ALG6: variants seen among roughly 807,000 people sequenced by gnomAD.
The protein encoded by ALG6 is dolichyl pyrophosphate Man9GlcNAc2 alpha-1,3-glucosyltransferase.
Under a neutral mutation model 66.6 loss-of-function variants are expected in ALG6, and 46 were observed. The observed-to-expected ratio is 0.69, with a 90% CI of 0.55 to 0.88. The LOEUF is 0.88. Ranked by LOEUF, ALG6 falls within the 40% of genes least tolerant of loss-of-function variation. The probability of loss-of-function intolerance (pLI) is 0.00; values close to 1 mark genes in which losing one functional copy is unlikely to be tolerated. For missense variants in ALG6, 505 were observed against 586.8 expected (o/e 0.86, Z 1.44); for synonymous variants, 185 against 203.7 (o/e 0.91, Z 0.78).
At position 63,433,162 on chromosome 1, in the gene ALG6, C is replaced by T. The variant is rs1315467968; in HGVS notation, c.1327-3661C>T. 2.0e-5 allele frequency among the ~76,000 whole-genome samples: 3 copies of T among 152,028 alleles called. No homozygotes were observed. Among genetic ancestry groups the T allele is most frequent in the Admixed American group, 6.6e-5 (1 of 15,256 alleles). ...TTCACCATATTGGCCAGGCTGGTCT[C>T]GAACTCCTGACCTCGTGATCCACCC... is the stretch of plus-strand genomic sequence containing the variant. On this transcript the variant is annotated intron_variant, in intron 14 of 14. Transcript: ENST00000263440. This position sits in a 1 kb window ranked among gnomAD's most constrained non-coding sequence, Gnocchi z 4.2.
intron 4 of ALG6, among the ~76,000 whole-genome samples, chr1:63,404,135 T>G (rs959331674): frequency 6.6e-6 from 1 of 152,220 alleles, no homozygotes. Flanking sequence ...ACTAGCATAT[T>G]GCTTTTTATA....
chr1:63,415,389 T>G (rs1183497396), intron 10 of ALG6, among the ~76,000 whole-genome samples: 1 of 152,186 alleles, frequency 6.6e-6, no homozygotes, highest in Non-Finnish European at 1.5e-5. Flanking sequence ...TCCTGCTCCC[T>G]TTCCACCTTG....
intron 14 of ALG6, among the ~76,000 whole-genome samples, chr1:63,431,215 A>C (rs1466514776): frequency 6.6e-6 from 1 of 152,192 alleles, no homozygotes; most frequent in Non-Finnish European, 1.5e-5. Flanking sequence ...TGCCACTGCC[A>C]TACTGTCTTG....
At chr1:63,391,544 A>G (rs1309617162) in intron 2 of ALG6, among the ~76,000 whole-genome samples, 1 of 152,138 alleles carries the variant, frequency 6.6e-6, no homozygotes, top group Non-Finnish European at 1.5e-5. Context: ...GCTTCAGGGG[A>G]TGGTCAGTTC....
intron 2 of ALG6, among the ~76,000 whole-genome samples, chr1:63,385,387 T>C (rs1382313152): frequency 6.6e-6 from 1 of 151,562 alleles, no homozygotes; most frequent in Non-Finnish European, 1.5e-5. Flanking sequence ...ATTTTTATTT[T>C]TTTTTAGTAG....
intron 2 of ALG6, among the ~76,000 whole-genome samples, chr1:63,373,574 G>A (rs951038108): frequency 5.3e-5 from 8 of 149,612 alleles, no homozygotes; most frequent in Non-Finnish European, 8.9e-5. Context: ...TAGCCTGGGC[G>A]ACAGAGCAAG....
At chr1:63,407,437 A>G (rs1644494585) in intron 7 of ALG6, among the ~76,000 whole-genome samples, 1 of 152,116 alleles carries the variant, frequency 6.6e-6, no homozygotes, top group Non-Finnish European at 1.5e-5. Flanking sequence ...AAAGTGTAAC[A>G]TGTCTTCTAT....
intron 2 of ALG6, among the ~76,000 whole-genome samples, chr1:63,372,092 A>C (rs758834053): frequency 6.6e-6 from 1 of 152,178 alleles, no homozygotes; most frequent in Non-Finnish European, 1.5e-5. Context: ...GAAGTGGAGA[A>C]GGTATTATAG....
chr1:63,424,765 TTTGAG>T (rs1644606065), intron 12 of ALG6, among the ~76,000 whole-genome samples: 1 of 148,264 alleles, frequency 6.7e-6, no homozygotes, highest in Non-Finnish European at 1.5e-5. Flanking sequence ...TTTGATCCAT[TTTGAG>T]TTAATTTTTT....
intron 12 of ALG6, among the ~76,000 whole-genome samples, chr1:63,425,379 A>G (rs1227949873): frequency 1.3e-5 from 2 of 152,128 alleles, no homozygotes; most frequent in African/African-American, 4.8e-5. Context: ...CCTCTTTAGT[A>G]AAAGGGGTGA....
At chr1:63,429,251 T>G in intron 14 of ALG6, 125 bp downstream of exon 14, 2 of 723,362 alleles carry the variant, frequency 2.8e-6, no homozygotes, top group Non-Finnish European at 2.3e-6. Flanking sequence ...TCATTTAAAG[T>G]ATACAACTTA....
intron 14 of ALG6, among the ~76,000 whole-genome samples, chr1:63,434,493 A>C (rs995075261): frequency 1.3e-5 from 2 of 152,238 alleles, no homozygotes; most frequent in Non-Finnish European, 2.9e-5. Flanking sequence ...AGATATTAAG[A>C]AGTACCTGGA....
At chr1:63,383,662 A>T (rs1648409213) in intron 2 of ALG6, among the ~76,000 whole-genome samples, 1 of 152,198 alleles carries the variant, frequency 6.6e-6, no homozygotes, top group Non-Finnish European at 1.5e-5. Context: ...TCAAGCATTT[A>T]TTCTTTGTAT....
intron 12 of ALG6, among the ~76,000 whole-genome samples, chr1:63,421,166 G>A (rs1644571071): frequency 6.6e-6 from 1 of 151,974 alleles, no homozygotes; most frequent in South Asian, 2.1e-4. Flanking sequence ...GGTAGCGGTT[G>A]CAATTTTATT....
At chr1:63,412,642 T>C (rs1240185569) in intron 9 of ALG6, among the ~76,000 whole-genome samples, 1 of 152,180 alleles carries the variant, frequency 6.6e-6, no homozygotes, top group Non-Finnish European at 1.5e-5. Context: ...TCTTATGAGA[T>C]ATATAACCTT....
chr1:63,432,394 T>C (rs934447545), intron 14 of ALG6, among the ~76,000 whole-genome samples: 4 of 152,230 alleles, frequency 2.6e-5, no homozygotes, highest in Admixed American at 6.5e-5. Flanking sequence ...TGGCTTCAGT[T>C]TGACAGTATT....
chr1:63,373,154 G>A (rs904862849), intron 2 of ALG6, among the ~76,000 whole-genome samples: 6 of 151,666 alleles, frequency 4.0e-5, no homozygotes, highest in Middle Eastern at 3.2e-3. Flanking sequence ...ATACAGGCGT[G>A]CACCACGACG....
At chr1:63,400,371 G>A (rs1162464930) in intron 3 of ALG6, among the ~76,000 whole-genome samples, 2 of 121,558 alleles carry the variant, frequency 1.6e-5, no homozygotes, top group African/African-American at 3.4e-5. Flanking sequence ...GTATATATAT[G>A]TATATATATA....
intron 2 of ALG6, among the ~76,000 whole-genome samples, chr1:63,386,354 C>G (rs754302956): frequency 6.6e-6 from 1 of 151,712 alleles, no homozygotes; most frequent in Non-Finnish European, 1.5e-5. Flanking sequence ...GAAGTATTCT[C>G]TCTATTTTTT....
Sources: gnomAD v4.1 joint callset for allele counts (sites outside exome capture counted in the v4.1 genomes callset) on GRCh38, gnomAD v4.1.1 for gene constraint, Gnocchi (gnomAD v3.1) non-coding constraint, MANE v1.5 for transcripts, NCBI Gene and HGNC (gene_info 2026-07-23, HGNC 2026-07-21) for gene names.